The following ACP6 variants were observed in gnomAD, a reference collection of about 807,000 sequenced individuals.
ACP6 encodes the protein acid phosphatase 6, lysophosphatidic.
Under a neutral mutation model 48.1 loss-of-function variants are expected in ACP6, and 48 were observed. The observed-to-expected ratio is 1.00, with a 90% CI of 0.79 to 1.27. The LOEUF is 1.27. ACP6 is among the 50% of genes most tolerant of loss of function. The pLI, the probability that ACP6 is intolerant of heterozygous loss-of-function variation, is 0.00. For synonymous variants in ACP6, 172 were observed against 204.2 expected (o/e 0.84, Z 1.34); for missense variants, 485 against 529.1 (o/e 0.92, Z 0.82).
downstream of ACP6, among the ~76,000 whole-genome samples, chr1:147,637,970 G>A (rs1305474646): frequency 1.3e-5 from 2 of 152,130 alleles, no homozygotes; most frequent in African/African-American, 2.4e-5. Context: ...GTCCAACAGG[G>A]CAAAGGCCTA....
chr1:147,640,684 C>T (rs78464311), downstream of ACP6, among the ~76,000 whole-genome samples: 1,024 of 152,276 alleles, frequency 6.7e-3, 7 homozygotes, highest in African/African-American at 0.023. Flanking sequence ...CACATGACTC[C>T]AAGATCAGTG....
intron 6 of ACP6, 22 bp downstream of exon 6, chr1:147,654,172 G>A (rs782047529): frequency 3.1e-6 from 5 of 1,610,680 alleles, no homozygotes; most frequent in Non-Finnish European, 4.2e-6. Flanking sequence ...ATTATCCCAG[G>A]CTCCCCAACC....
In ACP6 at chr1:147,650,134, GCCAGGTA is replaced by G; in HGVS notation, c.977+2_977+8del. 1 of 1,604,558 alleles carries G rather than the reference GCCAGGTA, an allele frequency of 6.2e-7. No homozygotes were observed. The highest frequency in any genetic ancestry group is 8.5e-7 in the Non-Finnish European group (1 of 1,175,502). On this transcript the variant is annotated splice_donor_variant and splice_donor_5th_base_variant and intron_variant, in intron 8 of 9. Coordinates refer to ENST00000583509, the MANE Select transcript of ACP6 (RefSeq NM_016361.5). LOFTEE classifies it high-confidence loss of function. Reference sequence around the variant, plus strand: ...TAGCTGCACAAAGCAGAGTTGCTGTGCCAGGTACCTGATCTTGTCGGGGGCAGTGGCA... The same window carrying G: ...TAGCTGCACAAAGCAGAGTTGCTGTGCCTGATCTTGTCGGGGGCAGTGGCA...
At chr1:147,665,169 G>A (rs782593421) in intron 1 of ACP6, among the ~76,000 whole-genome samples, 12 of 152,136 alleles carry the variant, frequency 7.9e-5, no homozygotes, top group African/African-American at 2.7e-4. Flanking sequence ...AGCCCCAGCC[G>A]CTCAACATCC....
At chr1:147,668,257 T>A (rs1315084481) in intron 1 of ACP6, among the ~76,000 whole-genome samples, 1 of 152,158 alleles carries the variant, frequency 6.6e-6, no homozygotes, top group African/African-American at 2.4e-5. Context: ...TGGATTCAGA[T>A]GCTATTTTGT....
intron 5 of ACP6, among the ~76,000 whole-genome samples, chr1:147,632,030 C>A (rs1225359361): frequency 6.6e-6 from 1 of 152,084 alleles, no homozygotes; most frequent in Non-Finnish European, 1.5e-5. Context: ...CGTGCCAAGG[C>A]CTTCTTGCCA....
At chr1:147,658,895 G>A (rs1660387412) in intron 4 of ACP6, 65 bp downstream of exon 4, 1 of 1,437,398 alleles carries the variant, frequency 7.0e-7, no homozygotes, top group African/African-American at 1.4e-5. Flanking sequence ...AAAGAGATAG[G>A]GGCTTCGGAA....
At chr1:147,651,755 C>T (rs1453926052) in intron 7 of ACP6, 1 of 152,146 alleles carries the variant, frequency 6.6e-6, no homozygotes, top group Admixed American at 6.5e-5. Flanking sequence ...GCCTTTCCCC[C>T]CTACTCATCT....
At chr1:147,657,412 G>C (rs1311786883) in intron 4 of ACP6, among the ~76,000 whole-genome samples, 2 of 152,040 alleles carry the variant, frequency 1.3e-5, no homozygotes, top group Admixed American at 1.3e-4. Context: ...GCCACCTTCT[G>C]GGATTCTTTT....
chr1:147,650,494 T>A (rs1251856372), intron 7 of ACP6: 3 of 373,394 alleles, frequency 8.0e-6, no homozygotes, highest in African/African-American at 4.2e-5. Context: ...TGGGAGGGGC[T>A]GAGGGAGCAG....
intron 1 of ACP6, among the ~76,000 whole-genome samples, chr1:147,664,146 G>C (rs1261096831): frequency 6.6e-6 from 1 of 152,028 alleles, no homozygotes; most frequent in Non-Finnish European, 1.5e-5. Context: ...ACCTCCTTCT[G>C]ACACATCAGA....
In ACP6 at chr1:147,643,363, T is replaced by C. The variant is rs1659512521; in HGVS notation, c.*4060A>G. 1 of 152,174 alleles carries C rather than the reference T, an allele frequency of 6.6e-6. No homozygotes were observed. Among genetic ancestry groups the C allele is most frequent in the South Asian group, 2.1e-4 (1 of 4,834 alleles). 9.4% of individuals were successfully genotyped at this position (152,174 alleles called of 1,614,324 possible). ...TTGATAGCATCAAGTGAGGACTTAC[T>C]GTACTAGGGGTTAAGATGTCAACAT... On this transcript the variant is annotated 3_prime_UTR_variant, in exon 10 of 10. Coordinates refer to ENST00000583509, the MANE Select transcript of ACP6 (RefSeq NM_016361.5).
At chr1:147,660,677 A>C (rs1553212581) in intron 1 of ACP6, among the ~76,000 whole-genome samples, 1 of 152,072 alleles carries the variant, frequency 6.6e-6, no homozygotes, top group Non-Finnish European at 1.5e-5. Flanking sequence ...CCTCCCTTTC[A>C]CCTGCACAAT....
intron 1 of ACP6, among the ~76,000 whole-genome samples, chr1:147,667,764 G>C (rs1660871907): frequency 6.6e-6 from 1 of 152,088 alleles, no homozygotes; most frequent in South Asian, 2.1e-4. Context: ...ACTTGAAGCA[G>C]GCGGATCATG....
Position 147,647,030 on chromosome 1 carries a change from T to C in ACP6, c.*393A>G, listed in dbSNP as rs1336260651. The stretch of plus-strand genomic sequence containing the variant: ...TACTCGGCTGCCTCTCCCACTGGAC[T>C]GCAACAACTTGAGGGCAGAGTGTTT... On this transcript the variant is annotated 3_prime_UTR_variant, in exon 10 of 10. Transcript: ENST00000583509. 1 of 180,864 alleles carries C rather than the reference T, an allele frequency of 5.5e-6. No individual in the cohort carries two copies. Among genetic ancestry groups the C allele is most frequent in the East Asian group, 1.6e-4 (1 of 6,372 alleles). 11.2% of individuals were successfully genotyped at this position (180,864 alleles called of 1,614,324 possible). A position where few individuals can be genotyped will look rare whatever the true frequency, so the allele number is the denominator to read the frequency against.
At chr1:147,668,415 G>A (rs1054042436) in intron 1 of ACP6, among the ~76,000 whole-genome samples, 9 of 146,308 alleles carry the variant, frequency 6.2e-5, no homozygotes, top group Non-Finnish European at 1.1e-4. Flanking sequence ...GTGCCTTCAG[G>A]ATATATATAT....
chr1:147,643,011 A>C lies in ACP6; in HGVS notation c.*4412T>G, dbSNP rs1553209004. The stretch of plus-strand genomic sequence containing the variant: ...TCTGAGGCCTCTCTCCTTGACTTGC[A>C]GATAGTCATCTTCCCTCTGTGTCTG... On this transcript the variant is annotated 3_prime_UTR_variant, in exon 10 of 10. Transcript: ENST00000583509. 1 of 152,230 alleles carries C rather than the reference A, an allele frequency of 6.6e-6. No individual in the cohort carries two copies. Among genetic ancestry groups the C allele is most frequent in the Non-Finnish European group, 1.5e-5 (1 of 68,062 alleles). The allele number at this position is 152,230 out of a possible 1,614,324, so 9.4% of individuals were successfully genotyped here.
intron 6 of ACP6, 117 bp from the exon 7 acceptor site, chr1:147,652,666 G>C: frequency 1.2e-6 from 2 of 1,600,760 alleles, no homozygotes; most frequent in Non-Finnish European, 1.7e-6. Context: ...GAGAAGACAG[G>C]CTCAAGAACA....
rs1177755493 is a variant in ACP6 at position 147,646,452 on chromosome 1, ATAG to A, written c.*968_*970del. 6.6e-6 allele frequency: 1 copy of A among 152,208 alleles called. No homozygotes were observed. Among genetic ancestry groups the A allele is most frequent in the African/African-American group, 2.4e-5 (1 of 41,446 alleles). 9.4% of individuals were successfully genotyped at this position (152,208 alleles called of 1,614,324 possible). A position where few individuals can be genotyped will look rare whatever the true frequency, so the allele number is the denominator to read the frequency against. On this transcript the variant is annotated 3_prime_UTR_variant, in exon 10 of 10. Coordinates refer to ENST00000583509, the MANE Select transcript of ACP6 (RefSeq NM_016361.5). ...TGATCTGGAAGTTGTCAATATTAAG[ATAG>A]TAGGAAGTGGAGAGGCTTTTGTGGT...
Sources: allele counts gnomAD v4.1 joint callset (sites outside exome capture counted in the v4.1 genomes callset), GRCh38; gene constraint gnomAD v4.1.1; transcripts MANE v1.5; gene names NCBI Gene and HGNC (gene_info 2026-07-23, HGNC 2026-07-21).